Variants in PLA2G4B observed in about 807,000 individuals in gnomAD.
PLA2G4B encodes the protein cytosolic phospholipase A2 beta.
Under a neutral mutation model 95.8 loss-of-function variants are expected in PLA2G4B, and 122 were observed. That is an observed-to-expected ratio of 1.27 (90% confidence interval 1.10 to 1.48). The LOEUF is 1.48. Ranked by LOEUF, PLA2G4B falls within the 40% of genes most tolerant of loss-of-function variation. PLA2G4B has a pLI of 0.00. For synonymous variants in PLA2G4B, 518 were observed against 421.5 expected (o/e 1.23, Z -2.80); for missense variants, 1,158 against 996.2 (o/e 1.16, Z -2.19).
intron 2 of PLA2G4B, 61 bp from the exon 3 acceptor site, chr15:41,840,463 G>A (rs2065406192): frequency 6.2e-7 from 1 of 1,610,664 alleles, no homozygotes; most frequent in Non-Finnish European, 8.5e-7. Context: ...ATGGAAGGAA[G>A]TGGGTCTGGG....
intron 15 of PLA2G4B, 58 bp from the exon 16 acceptor site, chr15:41,845,885 G>A: frequency 6.6e-6 from 10 of 1,517,754 alleles, no homozygotes; most frequent in Non-Finnish European, 8.8e-6. Context: ...TGGCCATGGG[G>A]AAGGGTAGGA....
rs751016647 is a variant in PLA2G4B at position 41,840,511 on chromosome 15, T to C, written c.83-13T>C. 1.2e-6 allele frequency: 2 copies of C among 1,613,520 alleles called. No individual in the cohort carries two copies. Among genetic ancestry groups the C allele is most frequent in the Non-Finnish European group, 1.7e-6 (2 of 1,180,024 alleles). On this transcript the variant is annotated splice_polypyrimidine_tract_variant and intron_variant, in intron 2 of 19. Coordinates refer to ENST00000458483, the MANE Select transcript of PLA2G4B (RefSeq NM_001114633.2). ...GCTCTTGTCCACCGCTGGGCACTTG[T>C]TCCTTCCCGCAGTGACCCCCTCTGA...
At chr15:41,840,973 C>T in intron 4 of PLA2G4B, 68 bp downstream of exon 4, 1 of 1,586,408 alleles carries the variant, frequency 6.3e-7, no homozygotes, top group Non-Finnish European at 8.6e-7. Flanking sequence ...CACACATGCA[C>T]ACACACGCAT....
Position 41,846,330 on chromosome 15 carries a change from C to G in PLA2G4B, c.1728C>G (p.Gly576=), listed in dbSNP as rs762714968. 1.2e-6 allele frequency: 2 copies of G among 1,611,534 alleles called. No individual in the cohort carries two copies. The highest frequency in any genetic ancestry group is 1.7e-5 in the Admixed American group (1 of 59,988). The change falls in exon 17 of 20, where the codon GGC becomes GGG. Residue 576 remains glycine (G), a synonymous_variant. Coordinates refer to ENST00000458483, the MANE Select transcript of PLA2G4B (RefSeq NM_001114633.2). ...AGGCCACACATAATTTCCTGCGTGG[C>G]CTCCATTTCCACAAAGACTACTTTC... ...LAQATHNFLR[G]LHFHKDYFQH... is the part of the protein sequence containing the mutation.
Position 41,840,570 on chromosome 15 carries a change from C to G in PLA2G4B, c.129C>G (p.Cys43Trp). The change falls in exon 3 of 20, where the codon TGC becomes TGG. Residue 43 changes from cysteine to tryptophan, a missense_variant. Physicochemically the swap from Cys to Trp is radical, Grantham distance 215. Coordinates refer to ENST00000458483, the MANE Select transcript of PLA2G4B (RefSeq NM_001114633.2). ...CYVTLWLPTA[C>W]SHRLQTRTVK... is the part of the protein sequence containing the mutation. ...TGACTCTCTGGCTGCCCACGGCCTG[C>G]AGCCACAGGCTCCAGACACGCACGG... is the stretch of plus-strand genomic sequence containing the variant. 6.2e-7 allele frequency: 1 copy of G among 1,613,962 alleles called. No homozygotes were observed. The highest frequency in any genetic ancestry group is 2.2e-5 in the East Asian group (1 of 44,890).
At chr15:41,846,135 T>A in intron 16 of PLA2G4B, 68 bp from the exon 17 acceptor site, 2 of 1,588,782 alleles carry the variant, frequency 1.3e-6, no homozygotes, top group Non-Finnish European at 1.7e-6. Context: ...CTCTTCCCCC[T>A]CCAGGGTCAC....
rs547983742 is a variant in PLA2G4B, at chr15:41,840,269, GGAGGAGGAGGGTGCT to G, written c.82+56_82+70del. The G allele has an allele frequency of 6.0e-3, 9,671 of 1,609,556 alleles. 30 individuals carry two copies. The highest frequency in any genetic ancestry group is 7.3e-3 in the Non-Finnish European group (8,654 of 1,179,232). On this transcript the variant is annotated intron_variant, in intron 2 of 19. Coordinates refer to ENST00000458483, the MANE Select transcript of PLA2G4B (RefSeq NM_001114633.2). The stretch of plus-strand genomic sequence containing the variant: ...GCCCTGGCCCCTGTGCTGGGCTGAG[GGAGGAGGAGGGTGCT>G]GAGGAGGAGGGTGCTGTGGCTGGAT...
intron 10 of PLA2G4B, 153 bp downstream of exon 10, chr15:41,842,744 T>G (rs909222703): frequency 1.7e-6 from 2 of 1,210,978 alleles, no homozygotes; most frequent in African/African-American, 3.1e-5. Flanking sequence ...GGGCACGAAG[T>G]ACTGGGAGGA....
In PLA2G4B at chr15:41,846,001, G is replaced by A. The variant is rs546732968; in HGVS notation, c.1554G>A (p.Glu518=). The change falls in exon 16 of 20, where the codon GAG becomes GAA. Residue 518 remains glutamate (E), a synonymous_variant. Transcript: ENST00000458483. ...AGGACAGCTTATACTGGGCCTCAGA[G>A]CCCAGCCAGTTCTGGGACCGCTGGG... ...NLQDSLYWAS[E]PSQFWDRWVR... 8 of 1,526,936 alleles carry A rather than the reference G, an allele frequency of 5.2e-6. No individual in the cohort carries two copies. Among genetic ancestry groups the A allele is most frequent in the Non-Finnish European group, 7.0e-6 (8 of 1,137,814 alleles). The allele number at this position is 1,526,936 out of a possible 1,614,324, so 94.6% of individuals were successfully genotyped here. A position where few individuals can be genotyped will look rare whatever the true frequency, so the allele number is the denominator to read the frequency against.
chr15:41,842,031 C>T (rs868090294), intron 8 of PLA2G4B, 82 bp downstream of exon 8: 1 of 1,563,148 alleles, frequency 6.4e-7, no homozygotes, highest in Middle Eastern at 1.7e-4. Flanking sequence ...GACCTCTGCT[C>T]CACCTGGCAG....
Position 41,842,653 on chromosome 15 carries a change from G to C in PLA2G4B, c.743+62G>C, listed in dbSNP as rs2065456445. ...AAAACAACCAGGGTGCGGGGCTGGA[G>C]GAGGCCTGGAGGAGTGAGGGGGAGA... On this transcript the variant is annotated intron_variant, in intron 10 of 19. Coordinates refer to ENST00000458483, the MANE Select transcript of PLA2G4B (RefSeq NM_001114633.2). 6 of 1,586,274 alleles carry C rather than the reference G, an allele frequency of 3.8e-6. No individual in the cohort carries two copies. In the East Asian group the frequency reaches 1.3e-4, roughly 36 times the overall value.
chr15:41,844,040 T>A (rs2065486520), intron 11 of PLA2G4B, among the ~76,000 whole-genome samples: 1 of 152,158 alleles, frequency 6.6e-6, no homozygotes, highest in African/African-American at 2.4e-5. Context: ...TCCTACTCTG[T>A]TTCTTGGTTC....
At chr15:41,842,741 A>AAGTACTGGGAGG (rs905863080) in intron 10 of PLA2G4B, 150 bp downstream of exon 10, 7 of 1,237,222 alleles carry the variant, frequency 5.7e-6, no homozygotes, top group African/African-American at 1.5e-5. Flanking sequence ...AGGGGGCACG[A>AAGTACTGGGAGG]AGTACTGGGA....
intron 7 of PLA2G4B, 106 bp downstream of exon 7, chr15:41,841,677 C>T (rs2065434214): frequency 6.4e-7 from 1 of 1,571,108 alleles, no homozygotes; most frequent in Non-Finnish European, 8.6e-7. Context: ...CTTAGGCCTT[C>T]TCGGGGGACT....
chr15:41,847,818 G>A lies in PLA2G4B; in HGVS notation c.2304G>A (p.Leu768=). The A allele has an allele frequency of 6.2e-7, 1 of 1,613,240 alleles. No homozygotes were observed. The highest frequency in any genetic ancestry group is 8.5e-7 in the Non-Finnish European group (1 of 1,180,042). The change falls in exon 20 of 20, where the codon CTG becomes CTA. Residue 768 remains leucine (L), a synonymous_variant. Coordinates refer to ENST00000458483, the MANE Select transcript of PLA2G4B (RefSeq NM_001114633.2). ...CNNQEQLLEA[L]RQAVQRRRQR... is the part of the protein sequence containing the mutation. ...ACCAGGAGCAGCTGCTGGAGGCTCTGCGCCAGGCAGTGCAGCGGAGGCGGC... is the reference window on the plus strand; with the variant it reads ...ACCAGGAGCAGCTGCTGGAGGCTCTACGCCAGGCAGTGCAGCGGAGGCGGC...
intron 17 of PLA2G4B, 68 bp from the exon 18 acceptor site, chr15:41,846,599 GTC>G: frequency 3.5e-5 from 54 of 1,544,132 alleles, no homozygotes; most frequent in Non-Finnish European, 4.7e-5. Context: ...AGAGGCCAGA[GTC>G]TCTCCTTCCA....
chr15:41,841,546 A>G lies in PLA2G4B; in HGVS notation c.465A>G (p.Gln155=). Residue 155 remains glutamine, a synonymous_variant, in exon 7 of 20, where the codon CAA becomes CAG. Coordinates refer to ENST00000458483, the MANE Select transcript of PLA2G4B (RefSeq NM_001114633.2). ...VARELSCLHV[Q]LEETGDQKSS... ...GGGAGCTCTCCTGCTTGCACGTTCAACTGGAGGAGACAGGAGACCAGAAGT... is the reference window on the plus strand; with the variant it reads ...GGGAGCTCTCCTGCTTGCACGTTCAGCTGGAGGAGACAGGAGACCAGAAGT... The G allele has an allele frequency of 1.2e-6, 2 of 1,613,974 alleles. No individual in the cohort carries two copies. The highest frequency in any genetic ancestry group is 1.7e-6 in the Non-Finnish European group (2 of 1,179,972).
At position 41,846,303 on chromosome 15, in the gene PLA2G4B, C is replaced by T; in HGVS notation, c.1701C>T (p.Ala567=). The change falls in exon 17 of 20, where the codon GCC becomes GCT. Residue 567 remains alanine, a synonymous_variant. Coordinates refer to ENST00000458483, the MANE Select transcript of PLA2G4B (RefSeq NM_001114633.2). Reference sequence around the variant, plus strand: ...ATCTTCTGACGTGGCGTCCACTGGCCCAGGCCACACATAATTTCCTGCGTG... The same window carrying T: ...ATCTTCTGACGTGGCGTCCACTGGCTCAGGCCACACATAATTTCCTGCGTG... ...FTDLLTWRPL[A]QATHNFLRGL... 1.2e-6 allele frequency: 2 copies of T among 1,613,810 alleles called. No homozygotes were observed. Among genetic ancestry groups the T allele is most frequent in the Middle Eastern group, 1.7e-4 (1 of 6,060 alleles).
intron 1 of PLA2G4B, 189 bp from the exon 2 acceptor site, chr15:41,839,969 T>C (rs2065393947): frequency 1.5e-6 from 1 of 656,668 alleles, no homozygotes; most frequent in South Asian, 2.1e-5. Flanking sequence ...CAGAGCATTG[T>C]GTAAGTGCTG....
Sources: gnomAD v4.1 joint callset for allele counts (sites outside exome capture counted in the v4.1 genomes callset) on GRCh38, gnomAD v4.1.1 for gene constraint, MANE v1.5 for transcripts, NCBI Gene and HGNC (gene_info 2026-07-23, HGNC 2026-07-21) for gene names.